Variants in CWC27 observed in about 807,000 individuals in gnomAD.
The protein encoded by CWC27 is spliceosome-associated protein CWC27 homolog.
In CWC27, 47 loss-of-function variants were observed where a neutral mutation model predicts 63.6. The observed-to-expected ratio is 0.74, with a 90% CI of 0.58 to 0.94. The LOEUF (loss-of-function observed/expected upper bound fraction) is 0.94. Ranked by LOEUF, CWC27 falls within the 40% of genes least tolerant of loss-of-function variation. CWC27 has a pLI of 0.00. For missense variants in CWC27, 495 were observed against 554.3 expected (o/e 0.89, Z 1.07); for synonymous variants, 175 against 179.8 (o/e 0.97, Z 0.22).
Position 64,785,596 on chromosome 5 carries a change from T to A in CWC27, c.495+17T>A. The A allele has an allele frequency of 1.4e-6, 2 of 1,456,808 alleles. No individual in the cohort carries two copies. The highest frequency in any genetic ancestry group is 1.9e-6 in the Non-Finnish European group (2 of 1,046,630). The allele number at this position is 1,456,808 out of a possible 1,614,324, so 90.2% of individuals were successfully genotyped here. A position where few individuals can be genotyped will look rare whatever the true frequency, so the allele number is the denominator to read the frequency against. On this transcript the variant is annotated intron_variant, in intron 5 of 13. Transcript: ENST00000381070. ...AGCTGTGAGGTAGGAGCATGATTATTACGAGATACAGCACTTACATTGTCG... is the reference window on the plus strand; with the variant it reads ...AGCTGTGAGGTAGGAGCATGATTATAACGAGATACAGCACTTACATTGTCG...
chr5:64,999,813 C>A (rs575209774), intron 13 of CWC27, among the ~76,000 whole-genome samples: 1 of 152,112 alleles, frequency 6.6e-6, no homozygotes, highest in African/African-American at 2.4e-5. Context: ...GTGCAGAAGT[C>A]CTTTCGATAT....
intron 13 of CWC27, among the ~76,000 whole-genome samples, chr5:65,006,179 T>C (rs1749837944): frequency 6.6e-6 from 1 of 152,218 alleles, no homozygotes; most frequent in African/African-American, 2.4e-5. Context: ...GCTGCAAAAG[T>C]ACCTGTAAAA....
At chr5:64,989,064 A>C (rs1749489212) in intron 13 of CWC27, among the ~76,000 whole-genome samples, 1 of 151,992 alleles carries the variant, frequency 6.6e-6, no homozygotes, top group African/African-American at 2.4e-5. Context: ...AGAACGTTGG[A>C]TCTTTAGTTA....
intron 10 of CWC27, among the ~76,000 whole-genome samples, chr5:64,819,654 C>T (rs1463506081): frequency 2.6e-5 from 4 of 152,118 alleles, no homozygotes; most frequent in Non-Finnish European, 5.9e-5. Flanking sequence ...GAGGCCTCCC[C>T]AGCCATGTGA....
intron 10 of CWC27, among the ~76,000 whole-genome samples, chr5:64,839,554 T>G (rs1011165192): frequency 2.6e-5 from 4 of 152,206 alleles, no homozygotes; most frequent in Middle Eastern, 3.4e-3. Flanking sequence ...AGAAAGTACT[T>G]GGAAACGAGA....
At position 65,018,180 on chromosome 5, in the gene CWC27, T is replaced by C. The variant is rs763705184; in HGVS notation, c.1278T>C (p.Phe426=). ...TTAGGATGTCACATGTACTTCAGTTTGAGGATAAAAGCAGAAAAGTGAAAG... is the reference window on the plus strand; with the variant it reads ...TTAGGATGTCACATGTACTTCAGTTCGAGGATAAAAGCAGAAAAGTGAAAG... ...DEGWMSHVLQ[F]EDKSRKVKDA... Residue 426 remains phenylalanine, a synonymous_variant, in exon 14 of 14, where the codon TTT becomes TTC. Transcript: ENST00000381070. 1.2e-6 allele frequency: 2 copies of C among 1,600,756 alleles called. No individual in the cohort carries two copies. The highest frequency in any genetic ancestry group is 1.7e-6 in the Non-Finnish European group (2 of 1,176,340).
chr5:64,867,704 C>T (rs1338589373), intron 10 of CWC27, among the ~76,000 whole-genome samples: 1 of 152,062 alleles, frequency 6.6e-6, no homozygotes, highest in Non-Finnish European at 1.5e-5. Context: ...TTTAAGAAGA[C>T]CTGACCTCAT....
chr5:64,982,328 AT>A (rs1000553503), intron 13 of CWC27, among the ~76,000 whole-genome samples: 11 of 151,934 alleles, frequency 7.2e-5, no homozygotes, highest in Admixed American at 5.9e-4. Flanking sequence ...CAACAAATGA[AT>A]TTTTGTTTTT....
At chr5:64,874,463 C>T (rs574854870) in intron 10 of CWC27, among the ~76,000 whole-genome samples, 1 of 151,178 alleles carries the variant, frequency 6.6e-6, no homozygotes, top group Non-Finnish European at 1.5e-5. Context: ...CGTGCCCAGC[C>T]GATGCTTTTT....
chr5:65,000,435 C>T (rs1749711058), intron 13 of CWC27, among the ~76,000 whole-genome samples: 1 of 151,882 alleles, frequency 6.6e-6, no homozygotes, highest in Admixed American at 6.6e-5. Context: ...CATGTGTTCT[C>T]TTTTTATAGT....
intron 10 of CWC27, among the ~76,000 whole-genome samples, chr5:64,840,693 G>A (rs1159588879): frequency 6.6e-6 from 1 of 151,954 alleles, no homozygotes; most frequent in African/African-American, 2.4e-5. Context: ...AGCTACTGAA[G>A]AATTTTCAGC....
rs529315577 is a variant in CWC27, at chr5:64,943,939, A to T, written c.1043-27764A>T. On this transcript the variant is annotated intron_variant, in intron 11 of 13. Transcript: ENST00000381070. ...CAACAAGAAGAAAACCGTTACCATA[A>T]CTACCAACTCACCTGCATCTGTGCC... Among the ~76,000 whole-genome samples the T allele has an allele frequency of 3.9e-4, 59 of 152,204 alleles. No homozygotes were observed. In the South Asian group the frequency reaches 0.012, roughly 31 times the overall value.
chr5:64,787,224 TTTTGTTTGTTTG>T (rs142579302), intron 6 of CWC27, among the ~76,000 whole-genome samples: 3 of 150,958 alleles, frequency 2.0e-5, no homozygotes, highest in East Asian at 3.9e-4. Flanking sequence ...ATATTAGTGG[TTTTGTTTGTTTG>T]TTTGTTTGTT....
chr5:64,932,921 ATCT>A (rs1321523264), intron 11 of CWC27, among the ~76,000 whole-genome samples: 5 of 152,270 alleles, frequency 3.3e-5, no homozygotes, highest in South Asian at 4.1e-4. Context: ...TACTTAAGTG[ATCT>A]TCTTAATATA....
chr5:64,885,517 C>G lies in CWC27; in HGVS notation c.1013C>G (p.Ala338Gly). The change falls in exon 11 of 14, where the codon GCA becomes GGA. Residue 338 changes from alanine (A) to glycine (G), a missense_variant. By Grantham distance (60) the Ala-to-Gly change is moderately conservative. This residue lies in a region of CWC27 where 463 missense variants were observed against 498.1 expected (regional missense o/e 0.93). Coordinates refer to ENST00000381070, the MANE Select transcript of CWC27 (RefSeq NM_005869.4). ...LAAKQKKVEN[A>G]AKQAEKRSEE... The stretch of plus-strand genomic sequence containing the variant: ...GCAAAACAAAAAAAAGTAGAAAATG[C>G]AGCAAAACAAGCAGAAAAAAGAAGT... 1 of 1,604,112 alleles carries G rather than the reference C, an allele frequency of 6.2e-7. No homozygotes were observed.
chr5:64,781,795 G>A (rs367894343), intron 2 of CWC27, 126 bp from the exon 3 acceptor site: 24 of 474,804 alleles, frequency 5.1e-5, no homozygotes, highest in Admixed American at 3.5e-4. Flanking sequence ...GATACAAAAG[G>A]TTTTGGCTGG....
intron 10 of CWC27, among the ~76,000 whole-genome samples, chr5:64,805,130 A>G (rs1343533403): frequency 6.6e-6 from 1 of 151,938 alleles, no homozygotes; most frequent in Non-Finnish European, 1.5e-5. Flanking sequence ...TTTCCCTATC[A>G]TGTTTCTCAA....
At chr5:64,923,313 C>T (rs1748034004) in intron 11 of CWC27, among the ~76,000 whole-genome samples, 1 of 152,054 alleles carries the variant, frequency 6.6e-6, no homozygotes, top group South Asian at 2.1e-4. Flanking sequence ...CACTGGACAA[C>T]AGGATGTACA....
intron 11 of CWC27, among the ~76,000 whole-genome samples, chr5:64,967,089 A>G (rs747618893): frequency 2.0e-5 from 3 of 151,880 alleles, no homozygotes; most frequent in Non-Finnish European, 2.9e-5. Flanking sequence ...TCTATTTGCT[A>G]TTTCATGTTA....
Sources: allele counts gnomAD v4.1 joint callset (sites outside exome capture counted in the v4.1 genomes callset), GRCh38; gene constraint gnomAD v4.1.1; regional missense constraint gnomAD v4.1.1; transcripts MANE v1.5; gene names NCBI Gene and HGNC (gene_info 2026-07-23, HGNC 2026-07-21).